Variants in BCAS3 observed in about 807,000 individuals in gnomAD.
BCAS3 encodes the protein BCAS4/BCAS3 fusion.
Under a neutral mutation model 116.1 loss-of-function variants are expected in BCAS3, and 53 were observed. The observed-to-expected ratio is 0.46, with a 90% CI of 0.37 to 0.57. BCAS3 has a LOEUF of 0.57. Among genes scored for constraint, BCAS3 ranks in the 20% least tolerant of loss-of-function variants. The pLI is 0.00. For missense variants in BCAS3, 917 were observed against 1,165.4 expected (o/e 0.79, Z 3.10); for synonymous variants, 391 against 408.2 (o/e 0.96, Z 0.51).
intron 6 of BCAS3, among the ~76,000 whole-genome samples, chr17:60,768,130 G>C (rs1027071630): frequency 6.6e-6 from 1 of 152,164 alleles, no homozygotes; most frequent in Admixed American, 6.5e-5. Context: ...TTGATTTTAG[G>C]TGCATATATT....
chr17:60,684,119 C>T, intron 3 of BCAS3, 83 bp downstream of exon 3: 5 of 1,261,082 alleles, frequency 4.0e-6, no homozygotes, highest in African/African-American at 1.5e-5. Flanking sequence ...GACACTAGTA[C>T]CAGCAACTTC....
At chr17:60,766,912 C>T (rs920961395) in intron 6 of BCAS3, among the ~76,000 whole-genome samples, 2 of 152,210 alleles carry the variant, frequency 1.3e-5, no homozygotes, top group African/African-American at 4.8e-5. Context: ...TGGCGGATGC[C>T]CCTCCCCCAG....
chr17:61,253,882 A>G (rs2048558027), intron 22 of BCAS3, among the ~76,000 whole-genome samples: 1 of 152,172 alleles, frequency 6.6e-6, no homozygotes, highest in Admixed American at 6.5e-5. Flanking sequence ...GCGCAGAAAG[A>G]AAAAGTGACT....
intron 22 of BCAS3, among the ~76,000 whole-genome samples, chr17:61,154,690 C>G (rs777104906): frequency 3.9e-5 from 6 of 152,158 alleles, no homozygotes; most frequent in Admixed American, 1.3e-4. Context: ...CGACCCTCCC[C>G]ACATGGGTCT....
In BCAS3 at chr17:61,377,300, A is replaced by G. The variant is rs144622180; in HGVS notation, c.2593+8806A>G. On this transcript the variant is annotated intron_variant, in intron 23 of 23. Coordinates refer to ENST00000407086, the MANE Select transcript of BCAS3 (RefSeq NM_017679.5). This position sits in a 1 kb window ranked among gnomAD's most constrained non-coding sequence, Gnocchi z 4.6. The stretch of plus-strand genomic sequence containing the variant: ...CACAAGCATCCCTACTCGGGACAAG[A>G]GGGAGCAGCTGCGCCAGCGAGACTG... 2.6e-3 allele frequency among the ~76,000 whole-genome samples: 390 copies of G among 152,304 alleles called. 3 individuals carry two copies. Among genetic ancestry groups the G allele is most frequent in the African/African-American group, 8.7e-3 (362 of 41,570 alleles).
chr17:61,088,001 G>A lies in BCAS3; in HGVS notation c.2425+3437G>A, dbSNP rs1414381215. On this transcript the variant is annotated intron_variant, in intron 22 of 23. Coordinates refer to ENST00000407086, the MANE Select transcript of BCAS3 (RefSeq NM_017679.5). This position sits in a 1 kb window ranked among gnomAD's most constrained non-coding sequence, Gnocchi z 4.2. ...GTTTGAGACCAGCCTGGCTAACATG[G>A]CAAAACCCCGTCCCTAATAAAAATA... is the stretch of plus-strand genomic sequence containing the variant. Among the ~76,000 whole-genome samples the A allele has an allele frequency of 6.6e-6, 1 of 152,074 alleles. No individual in the cohort carries two copies. The highest frequency in any genetic ancestry group is 2.4e-5 in the African/African-American group (1 of 41,382).
rs138622522 is a variant in BCAS3 at position 61,076,644 on chromosome 17, A to G, written c.2130+1624A>G. On this transcript the variant is annotated intron_variant, in intron 20 of 23. Coordinates refer to ENST00000407086, the MANE Select transcript of BCAS3 (RefSeq NM_017679.5). ...TGCTGTCAGTGTGAAAGTATATACAATGTGTTTGTCCGGCACACAACAGGA... is the reference window on the plus strand; with the variant it reads ...TGCTGTCAGTGTGAAAGTATATACAGTGTGTTTGTCCGGCACACAACAGGA... Among the ~76,000 whole-genome samples, 399 of 152,256 alleles carry G rather than the reference A, an allele frequency of 2.6e-3. 3 individuals carry two copies. The highest frequency in any genetic ancestry group is 9.2e-3 in the African/African-American group (384 of 41,554).
intron 7 of BCAS3, among the ~76,000 whole-genome samples, chr17:60,849,349 T>C (rs2052845031): frequency 1.3e-5 from 2 of 152,090 alleles, no homozygotes; most frequent in Admixed American, 1.3e-4. Flanking sequence ...CTGGAAAATG[T>C]ACTGTACTTC....
intron 22 of BCAS3, among the ~76,000 whole-genome samples, chr17:61,174,571 G>A (rs954722875): frequency 2.6e-5 from 4 of 152,130 alleles, no homozygotes; most frequent in African/African-American, 9.7e-5. Flanking sequence ...TGGACATTTT[G>A]GTTGATTCCA....
intron 22 of BCAS3, among the ~76,000 whole-genome samples, chr17:61,119,422 C>T (rs1028972062): frequency 6.6e-5 from 10 of 151,852 alleles, no homozygotes; most frequent in South Asian, 2.1e-4. Flanking sequence ...TGTTGGTCCA[C>T]GAAGAAAACA....
In BCAS3 at chr17:60,772,005, G is replaced by A. The variant is rs536189932; in HGVS notation, c.403+24726G>A. Among the ~76,000 whole-genome samples, 604 of 152,168 alleles carry A rather than the reference G, an allele frequency of 4.0e-3. 7 individuals are homozygous for A. The highest frequency in any genetic ancestry group is 0.013 in the African/African-American group (559 of 41,468). Reference sequence around the variant, plus strand: ...AGTCTTTGCTCTTGTGAATAGTGCCGCAATAAACATACGTGTGCATGTGTC... The same window carrying A: ...AGTCTTTGCTCTTGTGAATAGTGCCACAATAAACATACGTGTGCATGTGTC... On this transcript the variant is annotated intron_variant, in intron 6 of 23. Transcript: ENST00000407086.
chr17:61,101,435 T>C lies in BCAS3; in HGVS notation c.2425+16871T>C, dbSNP rs74368167. On this transcript the variant is annotated intron_variant, in intron 22 of 23. Coordinates refer to ENST00000407086, the MANE Select transcript of BCAS3 (RefSeq NM_017679.5). ...TGTTTGAAACTCACAATTCACTCTA[T>C]AGTGGGGAGTGGGGGAGTGCAAGGC... Among the ~76,000 whole-genome samples the C allele has an allele frequency of 2.7e-3, 407 of 152,228 alleles. 1 individual carries two copies. The highest frequency in any genetic ancestry group is 9.2e-3 in the African/African-American group (384 of 41,570).
chr17:61,009,833 A>G (rs565399300), intron 15 of BCAS3, among the ~76,000 whole-genome samples: 1 of 151,958 alleles, frequency 6.6e-6, no homozygotes, highest in East Asian at 1.9e-4. Context: ...AAGAATACCA[A>G]CCTGGCAGCT....
intron 5 of BCAS3, among the ~76,000 whole-genome samples, chr17:60,733,369 C>T (rs1007151143): frequency 5.9e-5 from 9 of 152,110 alleles, no homozygotes; most frequent in South Asian, 4.1e-4. Flanking sequence ...CCAAAATGTC[C>T]GGGGTCTCAG....
intron 19 of BCAS3, among the ~76,000 whole-genome samples, chr17:61,044,465 A>AAAAAAAAAAAAAATATATATAT: frequency 4.2e-5 from 5 of 120,114 alleles, no homozygotes; most frequent in African/African-American, 2.0e-4. Flanking sequence ...AAAAAAAAAA[A>AAAAAAAAAAAAAATATATATAT]ATATATATAT....
intron 22 of BCAS3, among the ~76,000 whole-genome samples, chr17:61,262,829 A>T (rs376105267): frequency 1.3e-5 from 2 of 150,952 alleles, no homozygotes; most frequent in East Asian, 2.0e-4. Context: ...AGTAGCTGGG[A>T]TTACAGGCAT....
Position 61,084,368 on chromosome 17 carries a change from G to A in BCAS3, c.2328-99G>A. 1 of 885,712 alleles carries A rather than the reference G, an allele frequency of 1.1e-6. No homozygotes were observed. Among genetic ancestry groups the A allele is most frequent in the Non-Finnish European group, 1.7e-6 (1 of 579,248 alleles). 54.9% of individuals were successfully genotyped at this position (885,712 alleles called of 1,614,324 possible). A position where few individuals can be genotyped will look rare whatever the true frequency, so the allele number is the denominator to read the frequency against. Reference sequence around the variant, plus strand: ...GTTTTAGAATGGATGGTTCTTTAATGGATTGTGCTACTCCAGCATTCCTGA... The same window carrying A: ...GTTTTAGAATGGATGGTTCTTTAATAGATTGTGCTACTCCAGCATTCCTGA... On this transcript the variant is annotated intron_variant, in intron 21 of 23. Coordinates refer to ENST00000407086, the MANE Select transcript of BCAS3 (RefSeq NM_017679.5). The surrounding 1 kb of genome is among the most constrained non-coding windows in gnomAD (Gnocchi z 5.5).
rs976146976 is a variant in BCAS3, at chr17:61,392,136, C to T, written c.*11C>T. On this transcript the variant is annotated 3_prime_UTR_variant, in exon 24 of 24. Coordinates refer to ENST00000407086, the MANE Select transcript of BCAS3 (RefSeq NM_017679.5). The surrounding 1 kb of genome is among the most constrained non-coding windows in gnomAD (Gnocchi z 6.4). Reference sequence around the variant, plus strand: ...ACTGGCTTCCCGTAGGTACCAGCAACCTGCTTCTGACTGGCCAGCCCCCTC... The same window carrying T: ...ACTGGCTTCCCGTAGGTACCAGCAATCTGCTTCTGACTGGCCAGCCCCCTC... 1 of 1,612,452 alleles carries T rather than the reference C, an allele frequency of 6.2e-7. No individual in the cohort carries two copies. Among genetic ancestry groups the T allele is most frequent in the Non-Finnish European group, 8.5e-7 (1 of 1,179,364 alleles).
At chr17:61,237,761 G>A (rs1602105528) in intron 22 of BCAS3, among the ~76,000 whole-genome samples, 1 of 152,330 alleles carries the variant, frequency 6.6e-6, no homozygotes, top group Non-Finnish European at 1.5e-5. Flanking sequence ...AGTCACGATT[G>A]AAATCTGGAC....
Sources: allele counts gnomAD v4.1 joint callset (sites outside exome capture counted in the v4.1 genomes callset), GRCh38; gene constraint gnomAD v4.1.1; non-coding constraint Gnocchi (gnomAD v3.1); transcripts MANE v1.5; gene names NCBI Gene and HGNC (gene_info 2026-07-23, HGNC 2026-07-21).